Variants in ESRRG observed in about 807,000 individuals in gnomAD.
ESRRG encodes the protein estrogen-related receptor gamma.
A neutral mutation model predicts 44.0 loss-of-function variants in ESRRG; 13 were observed. The ratio of observed to expected loss-of-function variants is 0.30; its 90% CI spans 0.19 to 0.47. ESRRG has a LOEUF of 0.47. Ranked by LOEUF, ESRRG falls within the 20% of genes least tolerant of loss-of-function variation. The pLI is 1.00. For missense variants in ESRRG, 395 were observed against 580.6 expected, an observed-to-expected ratio of 0.68 and a Z score of 3.29; for synonymous variants, 215 against 214.6, an observed-to-expected ratio of 1.00 and a Z score of -0.02.
intron 1 of ESRRG, among the ~76,000 whole-genome samples, chr1:217,068,428 C>T (rs1383518679): frequency 6.6e-6 from 1 of 151,540 alleles, no homozygotes; most frequent in Non-Finnish European, 1.5e-5. Context: ...CTCCAGTCCT[C>T]TCCTGCACCA....
At position 216,824,219 on chromosome 1, in the gene ESRRG, G is replaced by T. The variant is rs148377559; in HGVS notation, c.-14+115363C>A. On this transcript the variant is annotated intron_variant, in intron 2 of 7. Coordinates refer to the ESRRG transcript ENST00000359162. ...CCCAGCACTTTGAGAGGCCGAGGCA[G>T]GCAGATCATTTGAGGTCAGGAGTTT... Among the ~76,000 whole-genome samples the T allele has an allele frequency of 5.6e-3, 851 of 152,280 alleles. 7 individuals are homozygous for T. Among genetic ancestry groups the T allele is most frequent in the African/African-American group, 0.02 (812 of 41,556 alleles).
chr1:217,067,762 T>A (rs1193959956), intron 1 of ESRRG, among the ~76,000 whole-genome samples: 2 of 152,166 alleles, frequency 1.3e-5, no homozygotes, highest in African/African-American at 4.8e-5. Context: ...TAACTGATAT[T>A]AATAGAGTTC....
intron 1 of ESRRG, among the ~76,000 whole-genome samples, chr1:217,079,701 T>A (rs2091595584): frequency 6.6e-6 from 1 of 152,188 alleles, no homozygotes; most frequent in Admixed American, 6.5e-5. Flanking sequence ...TTGTGAAGTT[T>A]TAAAGAATAA....
intron 2 of ESRRG, among the ~76,000 whole-genome samples, chr1:216,892,318 T>C (rs2057908818): frequency 6.6e-6 from 1 of 152,162 alleles, no homozygotes; most frequent in Admixed American, 6.5e-5. Flanking sequence ...ACCCTCTCCC[T>C]AGAGATCTGT....
intron 3 of ESRRG, among the ~76,000 whole-genome samples, chr1:216,612,218 C>T (rs1041666452): frequency 1.3e-5 from 2 of 152,080 alleles, no homozygotes; most frequent in Admixed American, 6.5e-5. Context: ...TAGGTAGAAC[C>T]TACTAGGCTT....
Position 216,820,677 on chromosome 1 carries a change from C to T in ESRRG, c.-14+118905G>A, listed in dbSNP as rs532146288. Among the ~76,000 whole-genome samples, 18 of 152,332 alleles carry T rather than the reference C, an allele frequency of 1.2e-4. No individual in the cohort carries two copies. The South Asian group carries it at 3.7e-3, about 32-fold the overall frequency. On this transcript the variant is annotated intron_variant, in intron 2 of 7. Coordinates refer to the ESRRG transcript ENST00000359162. Reference sequence around the variant, plus strand: ...TTTGCTGAGTATATCCAGCCTTTGGCTAAAGCCTCTAACAAACAATACATT... The same window carrying T: ...TTTGCTGAGTATATCCAGCCTTTGGTTAAAGCCTCTAACAAACAATACATT...
chr1:216,629,405 A>C (rs1042395206), intron 3 of ESRRG, among the ~76,000 whole-genome samples: 4 of 152,210 alleles, frequency 2.6e-5, no homozygotes, highest in African/African-American at 9.6e-5. Flanking sequence ...TATGGATATA[A>C]GACACCACCC....
At chr1:216,557,279 A>G (rs2057779653) in intron 5 of ESRRG, among the ~76,000 whole-genome samples, 1 of 152,202 alleles carries the variant, frequency 6.6e-6, no homozygotes, top group African/African-American at 2.4e-5. Context: ...ATGTATAGAT[A>G]AGATTTATTG....
chr1:217,063,384 G>T (rs114502023), intron 1 of ESRRG, among the ~76,000 whole-genome samples: 1,969 of 152,292 alleles, frequency 0.013, 34 homozygotes, highest in African/African-American at 0.045. Flanking sequence ...CTAGCTACAT[G>T]CTTTGAAGTG....
At chr1:216,525,433 A>G (rs1025256799) in intron 5 of ESRRG, among the ~76,000 whole-genome samples, 1 of 152,130 alleles carries the variant, frequency 6.6e-6, no homozygotes, top group Non-Finnish European at 1.5e-5. Flanking sequence ...CTTGACCTCA[A>G]GTTTACTTCT....
rs1178636413 is a variant in ESRRG, at chr1:216,510,720, C to A, written c.1133-3537G>T. Among the ~76,000 whole-genome samples, 3 of 152,086 alleles carry A rather than the reference C, an allele frequency of 2.0e-5. No individual in the cohort carries two copies. In the East Asian group the frequency reaches 5.8e-4, roughly 30 times the overall value. On this transcript the variant is annotated intron_variant, in intron 6 of 6. Transcript: ENST00000408911. The stretch of plus-strand genomic sequence containing the variant: ...CTAACACCGTGAAACCCCGTCTCTA[C>A]TAAAAATACAAAAAATTAGCCGGGC...
At chr1:216,648,995 G>A (rs950841489) in intron 3 of ESRRG, among the ~76,000 whole-genome samples, 4 of 152,004 alleles carry the variant, frequency 2.6e-5, no homozygotes, top group African/African-American at 9.7e-5. Flanking sequence ...TGTTTTGTTT[G>A]TTACTCTGCT....
chr1:217,023,769 G>C (rs76823029), intron 1 of ESRRG, among the ~76,000 whole-genome samples: 2,421 of 152,080 alleles, frequency 0.016, 55 homozygotes, highest in African/African-American at 0.055. Flanking sequence ...AAAAACTAAA[G>C]GTTAGGGATG....
At chr1:216,995,132 CA>C (rs2076222406) in intron 1 of ESRRG, among the ~76,000 whole-genome samples, 2 of 152,284 alleles carry the variant, frequency 1.3e-5, no homozygotes, top group Admixed American at 6.5e-5. Flanking sequence ...CTCAGGAGAC[CA>C]AAGGCCATTC....
Position 216,564,372 on chromosome 1 carries a change from T to C in ESRRG, c.709A>G (p.Ile237Val). The C allele has an allele frequency of 6.2e-7, 1 of 1,608,738 alleles. No homozygotes were observed. Among genetic ancestry groups the C allele is most frequent in the Non-Finnish European group, 8.5e-7 (1 of 1,177,438 alleles). Residue 237 changes from isoleucine (I) to valine (V), a missense_variant, in exon 5 of 7, where the codon ATT becomes GTT. This residue lies in a region of ESRRG where 37 missense variants were observed against 32.9 expected (regional missense o/e 1.13). Transcript: ENST00000408911. ...TCAGCCACCAACAAATGTGAGACAATCTTGTTATCTGCAGGATCAGACCAG... is the reference window on the plus strand; with the variant it reads ...TCAGCCACCAACAAATGTGAGACAACCTTGTTATCTGCAGGATCAGACCAG... ...VQPAKKPYNK[I>V]VSHLLVAEPE...
chr1:216,716,951 T>C (rs1416118133), intron 1 of ESRRG, among the ~76,000 whole-genome samples: 1 of 151,896 alleles, frequency 6.6e-6, no homozygotes, highest in Non-Finnish European at 1.5e-5. Context: ...CCAATTTCTT[T>C]AAAACTGTAC....
chr1:216,756,152 C>A (rs1022007107), intron 2 of ESRRG, among the ~76,000 whole-genome samples: 1 of 151,894 alleles, frequency 6.6e-6, no homozygotes, highest in South Asian at 2.1e-4. Flanking sequence ...AATTCACAGG[C>A]ATGTGTGGAA....
At chr1:216,761,330 A>T (rs184066907) in intron 2 of ESRRG, among the ~76,000 whole-genome samples, 93 of 152,228 alleles carry the variant, frequency 6.1e-4, no homozygotes, top group African/African-American at 2.2e-3. Flanking sequence ...TAATACAATA[A>T]GTGTACTGGT....
intron 3 of ESRRG, among the ~76,000 whole-genome samples, chr1:216,608,867 A>G (rs2060260665): frequency 6.6e-6 from 1 of 152,204 alleles, no homozygotes; most frequent in African/African-American, 2.4e-5. Context: ...ACACCTCTGA[A>G]ATTAATATAT....
Sources: gnomAD v4.1 joint callset for allele counts (sites outside exome capture counted in the v4.1 genomes callset) on GRCh38, gnomAD v4.1.1 for gene constraint, gnomAD v4.1.1 regional missense constraint, MANE v1.5 for transcripts, NCBI Gene and HGNC (gene_info 2026-07-23, HGNC 2026-07-21) for gene names.